Variants in NOTCH3 observed in about 807,000 individuals in gnomAD.
NOTCH3 encodes neurogenic locus notch homolog protein 3.
In NOTCH3, 86 loss-of-function variants were observed where a neutral mutation model predicts 213.3. That is an observed-to-expected ratio of 0.40 (90% confidence interval 0.34 to 0.48). NOTCH3 has a LOEUF of 0.48. NOTCH3 is among the 20% of genes least tolerant of loss of function. The pLI is 0.57. For missense variants in NOTCH3, 2,783 were observed against 3,272.6 expected (o/e 0.85, Z 3.65); for synonymous variants, 1,354 against 1,355.9 (o/e 1.00, Z 0.03).
Position 15,161,106 on chromosome 19 carries a change from C to G in NOTCH3, c.6522G>C (p.Arg2174=), listed in dbSNP as rs1280248640. ...NPVAVPLDWA[R]LPPPAPPGPS... ...GGCCTGGAGGGGCAGGTGGGGGCAG[C>G]CGGGCCCAATCGAGGGGCACAGCCA... Residue 2174 remains arginine (R), a synonymous_variant, in exon 33 of 33, where the codon CGG becomes CGC. Transcript: ENST00000263388. 49 of 1,539,944 alleles carry G rather than the reference C, an allele frequency of 3.2e-5. No individual in the cohort carries two copies. In the Middle Eastern group the frequency reaches 5.2e-4, roughly 16 times the overall value.
chr19:15,167,328 G>A lies in NOTCH3; in HGVS notation c.5283C>T (p.Arg1761=), dbSNP rs778559494. Reference sequence around the variant, plus strand: ...GTGTCAGTGCCATGGCTGGTGCCACGCGGATGTCAGCAGCAACCAGATGGT... The same window carrying A: ...GTGTCAGTGCCATGGCTGGTGCCACACGGATGTCAGCAGCAACCAGATGGT... ...TQHHLVAADI[R]VAPAMALTPP... Residue 1761 remains arginine, a synonymous_variant, in exon 29 of 33, where the codon CGC becomes CGT. Coordinates refer to ENST00000263388, the MANE Select transcript of NOTCH3 (RefSeq NM_000435.3). 25 of 1,613,182 alleles carry A rather than the reference G, an allele frequency of 1.5e-5. No individual in the cohort carries two copies. The highest frequency in any genetic ancestry group is 5.5e-5 in the South Asian group (5 of 91,074).
Position 15,177,982 on chromosome 19 carries a change from G to A in NOTCH3, c.3946C>T (p.Pro1316Ser), listed in dbSNP as rs1173886086. 9.8e-6 allele frequency: 14 copies of A among 1,429,658 alleles called. No individual in the cohort carries two copies. The highest frequency in any genetic ancestry group is 3.0e-5 in the African/African-American group (2 of 67,334). 88.6% of individuals were successfully genotyped at this position (1,429,658 alleles called of 1,614,324 possible). Residue 1316 changes from proline (P) to serine (S), a missense_variant, in exon 24 of 33, where the codon CCC becomes TCC. By Grantham distance (74) the Pro-to-Ser change is moderately conservative (BLOSUM62 -1). Around this residue, in one of 6 missense-constraint regions of NOTCH3, gnomAD observed 133 missense variants for 201.9 expected, o/e 0.66. Transcript: ENST00000263388. ...CAGGAGGGTCCCGACAACCCTGGGG[G>A]GCAGGCGCAGCGCGGCCCGCGGGGC... ...QTPRGPRCAC[P>S]PGLSGPSCRS... is the part of the protein sequence containing the mutation.
At chr19:15,197,628 C>A in intron 1 of NOTCH3, 50 bp from the exon 2 acceptor site, 1 of 1,567,656 alleles carries the variant, frequency 6.4e-7, no homozygotes, top group Non-Finnish European at 8.7e-7. Context: ...CCCAGGAACC[C>A]CAGGCCCAAG....
chr19:15,196,227 C>T (rs942275200), intron 2 of NOTCH3, among the ~76,000 whole-genome samples: 2 of 152,122 alleles, frequency 1.3e-5, no homozygotes, highest in Non-Finnish European at 2.9e-5. Context: ...GCGGGGCAGC[C>T]GCGGGCTCAT....
intron 27 of NOTCH3, 42 bp downstream of exon 27, chr19:15,170,289 A>G (rs2046720708): frequency 6.4e-7 from 1 of 1,567,698 alleles, no homozygotes; most frequent in Non-Finnish European, 8.8e-7. Context: ...AGGGTTCACA[A>G]GGTCCCCGTA....
chr19:15,191,157 C>T (rs935102043), intron 6 of NOTCH3, among the ~76,000 whole-genome samples: 3 of 152,098 alleles, frequency 2.0e-5, no homozygotes, highest in Non-Finnish European at 4.4e-5. Context: ...CCTTAGCCTC[C>T]TGAGAGACTT....
intron 29 of NOTCH3, 62 bp downstream of exon 29, chr19:15,167,187 A>C: frequency 6.4e-7 from 1 of 1,562,886 alleles, no homozygotes. Context: ...CAGAGTCAGA[A>C]ATAACCTCTC....
rs955660382 is a variant in NOTCH3, at chr19:15,197,785, G to A, written c.119-207C>T. Among the ~76,000 whole-genome samples, 28 of 113,722 alleles carry A rather than the reference G, an allele frequency of 2.5e-4. No homozygotes were observed. In the Admixed American group the frequency reaches 3.4e-3, roughly 14 times the overall value. The allele number at this position is 113,722 out of a possible 152,430, so 74.6% of individuals were successfully genotyped here. On this transcript the variant is annotated intron_variant, in intron 1 of 32. Coordinates refer to ENST00000263388, the MANE Select transcript of NOTCH3 (RefSeq NM_000435.3). ...AGCTGTTGAGGCTGCAGCTGTCCCTGCCAGCTCGAGCCCTGGGAACCACAA... is the reference window on the plus strand; with the variant it reads ...AGCTGTTGAGGCTGCAGCTGTCCCTACCAGCTCGAGCCCTGGGAACCACAA...
chr19:15,175,560 T>C (rs1483722674), intron 24 of NOTCH3, among the ~76,000 whole-genome samples: 10,934 of 59,886 alleles, frequency 0.18, 748 homozygotes, highest in African/African-American at 0.3. Context: ...AAAATACATA[T>C]ATATATATAT....
rs1247361960 is a variant in NOTCH3, at chr19:15,167,312, C to T, written c.5299G>A (p.Ala1767Thr). 2 of 1,613,428 alleles carry T rather than the reference C, an allele frequency of 1.2e-6. No individual in the cohort carries two copies. Among genetic ancestry groups the T allele is most frequent in the Non-Finnish European group, 8.5e-7 (1 of 1,180,012 alleles). Residue 1767 changes from alanine (A) to threonine (T), a missense_variant, in exon 29 of 33, where the codon GCA (alanine) becomes ACA (threonine). Transcript: ENST00000263388. ...AADIRVAPAM[A>T]LTPPQGDADA... is the part of the protein sequence containing the mutation. ...GCGTCGCCCTGTGGTGGTGTCAGTG[C>T]CATGGCTGGTGCCACGCGGATGTCA...
chr19:15,176,721 C>T (rs2046792547), intron 24 of NOTCH3, among the ~76,000 whole-genome samples: 1 of 144,064 alleles, frequency 6.9e-6, no homozygotes, highest in African/African-American at 2.7e-5. Flanking sequence ...CAAGATCACA[C>T]CACTGCACTC....
intron 16 of NOTCH3, among the ~76,000 whole-genome samples, chr19:15,182,843 T>C (rs1342020300): frequency 1.3e-5 from 2 of 152,154 alleles, no homozygotes; most frequent in Non-Finnish European, 2.9e-5. Context: ...GGCTTCTCCA[T>C]GTTGGTCAGG....
chr19:15,172,947 G>A (rs1174876382), intron 25 of NOTCH3, among the ~76,000 whole-genome samples: 4 of 147,844 alleles, frequency 2.7e-5, no homozygotes, highest in Non-Finnish European at 4.5e-5. Flanking sequence ...GTGAGCCACC[G>A]AGCCCCTCCT....
In NOTCH3 at chr19:15,184,418, C is replaced by G; in HGVS notation, c.2443G>C (p.Ala815Pro). ...TGAGGGCCACAGGGTGCGGGGCCAG[C>G]ACACTCGTCCACATCCTGCTGGCAT... The part of the protein sequence containing the change: ...PRCQQDVDEC[A>P]GPAPCGPHGI... Residue 815 changes from alanine (A) to proline (P), a missense_variant, in exon 16 of 33, where the codon GCT becomes CCT. By Grantham distance (27) the Ala-to-Pro change is conservative (BLOSUM62 -1). Coordinates refer to ENST00000263388, the MANE Select transcript of NOTCH3 (RefSeq NM_000435.3). 6.2e-7 allele frequency: 1 copy of G among 1,613,842 alleles called. No individual in the cohort carries two copies. The highest frequency in any genetic ancestry group is 8.5e-7 in the Non-Finnish European group (1 of 1,179,892).
chr19:15,186,849 ACC>A (rs771490347), intron 12 of NOTCH3, 27 bp downstream of exon 12: 1 of 1,561,434 alleles, frequency 6.4e-7, no homozygotes, highest in Non-Finnish European at 8.8e-7. Context: ...CGATCTAAGG[ACC>A]CCCTCTCATG....
In NOTCH3 at chr19:15,177,983, G is replaced by C. The variant is rs1396345163; in HGVS notation, c.3945C>G (p.Cys1315Trp). The C allele has an allele frequency of 2.8e-6, 4 of 1,429,508 alleles. No individual in the cohort carries two copies. The highest frequency in any genetic ancestry group is 3.7e-6 in the Non-Finnish European group (4 of 1,093,558). 88.6% of individuals were successfully genotyped at this position (1,429,508 alleles called of 1,614,324 possible). A position where few individuals can be genotyped will look rare whatever the true frequency, so the allele number is the denominator to read the frequency against. Residue 1315 changes from cysteine (C) to tryptophan (W), a missense_variant, in exon 24 of 33, where the codon TGC (cysteine) becomes TGG (tryptophan). Around this residue, in one of 6 missense-constraint regions of NOTCH3, gnomAD observed 133 missense variants for 201.9 expected, o/e 0.66. Transcript: ENST00000263388. Reference protein sequence around the residue: ...QQTPRGPRCACPPGLSGPSCR... With the variant: ...QQTPRGPRCAWPPGLSGPSCR... The stretch of plus-strand genomic sequence containing the variant: ...AGGAGGGTCCCGACAACCCTGGGGG[G>C]CAGGCGCAGCGCGGCCCGCGGGGCG...
In NOTCH3 at chr19:15,181,234, C is replaced by T. The variant is rs1270611349; in HGVS notation, c.2793-72G>A. On this transcript the variant is annotated intron_variant, in intron 17 of 32. Transcript: ENST00000263388. Reference sequence around the variant, plus strand: ...AGGCCCTGCCCTCCTTCCTGAGTCCCGCTGTTAGCGCTGGGGACGTCCCAC... The same window carrying T: ...AGGCCCTGCCCTCCTTCCTGAGTCCTGCTGTTAGCGCTGGGGACGTCCCAC... The T allele has an allele frequency of 3.0e-6, 4 of 1,354,760 alleles. No homozygotes were observed. In the South Asian group the frequency reaches 3.7e-5, roughly 13 times the overall value. 83.9% of individuals were successfully genotyped at this position (1,354,760 alleles called of 1,614,324 possible). A position where few individuals can be genotyped will look rare whatever the true frequency, so the allele number is the denominator to read the frequency against.
Position 15,187,476 on chromosome 19 carries a change from A to AC in NOTCH3, c.1607-139dup, listed in dbSNP as rs1302481169. 1.8e-4 allele frequency: 82 copies of AC among 450,686 alleles called. 2 individuals carry two copies. Among genetic ancestry groups the AC allele is most frequent in the South Asian group, 1.8e-3 (72 of 40,090 alleles). The allele number at this position is 450,686 out of a possible 1,614,324, so 27.9% of individuals were successfully genotyped here. A position where few individuals can be genotyped will look rare whatever the true frequency, so the allele number is the denominator to read the frequency against. On this transcript the variant is annotated intron_variant, in intron 10 of 32. Transcript: ENST00000263388. ...AGGAGGCGAGCTCAATACAGGCCCCACCCCCCACCCCCCACTTACTTCCAC... is the reference window on the plus strand; with the variant it reads ...AGGAGGCGAGCTCAATACAGGCCCCACCCCCCCACCCCCCACTTACTTCCAC...
chr19:15,196,615 A>C (rs1336788623), intron 2 of NOTCH3, among the ~76,000 whole-genome samples: 2 of 152,184 alleles, frequency 1.3e-5, no homozygotes, highest in South Asian at 4.1e-4. Flanking sequence ...GCATGAAAGG[A>C]GCCAAGCATT....
Sources: allele counts gnomAD v4.1 joint callset (sites outside exome capture counted in the v4.1 genomes callset), GRCh38; gene constraint gnomAD v4.1.1; regional missense constraint gnomAD v4.1.1; transcripts MANE v1.5; gene names NCBI Gene and HGNC (gene_info 2026-07-23, HGNC 2026-07-21).